The following PRKCH variants were observed in gnomAD, a reference collection of about 807,000 sequenced individuals.
PRKCH encodes protein kinase C eta, also known as protein kinase C eta type.
A neutral mutation model predicts 82.5 loss-of-function variants in PRKCH; 28 were observed. That is an observed-to-expected ratio of 0.34 (90% CI 0.25 to 0.47). The LOEUF is 0.47. Ranked by LOEUF, PRKCH falls within the 20% of genes least tolerant of loss-of-function variation. PRKCH has a pLI of 1.00. For missense variants in PRKCH, 705 were observed against 881.8 expected (o/e 0.80, Z 2.54); for synonymous variants, 322 against 327.4 (o/e 0.98, Z 0.18).
intron 1 of PRKCH, among the ~76,000 whole-genome samples, chr14:61,246,109 T>G (rs527711015): frequency 3.9e-5 from 6 of 152,150 alleles, no homozygotes; most frequent in African/African-American, 1.4e-4. Context: ...CATTTTGCAA[T>G]AAAAGAATTT....
At chr14:61,440,523 G>A (rs1883907517) in intron 2 of PRKCH, among the ~76,000 whole-genome samples, 1 of 152,192 alleles carries the variant, frequency 6.6e-6, no homozygotes, top group South Asian at 2.1e-4. Flanking sequence ...CACTCTTTGA[G>A]ATCTATTGTG....
chr14:61,280,105 T>A lies in PRKCH; in HGVS notation c.-19+92437T>A, dbSNP rs117362093. 6.5e-4 allele frequency: 1,049 copies of A among 1,610,890 alleles called. 12 individuals carry two copies. In the East Asian group the frequency reaches 0.02, roughly 31 times the overall value. On this transcript the variant is annotated intron_variant, in intron 1 of 3. Coordinates refer to the PRKCH transcript ENST00000555185. This position sits in a 1 kb window ranked among gnomAD's most constrained non-coding sequence, Gnocchi z 5.0. Reference sequence around the variant, plus strand: ...GGAAAGCCGGAATCACTCCTCGTCGTCGTCGTCCTGGTCCTGGTAGCGAAT... The same window carrying A: ...GGAAAGCCGGAATCACTCCTCGTCGACGTCGTCCTGGTCCTGGTAGCGAAT...
chr14:61,405,277 A>G (rs190984882), intron 2 of PRKCH, among the ~76,000 whole-genome samples: 2 of 152,332 alleles, frequency 1.3e-5, no homozygotes, highest in African/African-American at 4.8e-5. Flanking sequence ...AATTAGCTGT[A>G]ATTCAGTTCT....
At chr14:61,429,006 T>C (rs1222678047) in intron 2 of PRKCH, among the ~76,000 whole-genome samples, 1 of 152,194 alleles carries the variant, frequency 6.6e-6, no homozygotes, top group African/African-American at 2.4e-5. Context: ...TTATCCTGTG[T>C]TCCACAGTCA....
chr14:61,479,465 A>T (rs1257878128), intron 9 of PRKCH, among the ~76,000 whole-genome samples: 2 of 151,976 alleles, frequency 1.3e-5, no homozygotes, highest in African/African-American at 4.8e-5. Context: ...GCCTCCAAAG[A>T]TGTTTGCCCC....
At chr14:61,485,678 G>C in intron 10 of PRKCH, 22 bp downstream of exon 10, 1 of 1,604,322 alleles carries the variant, frequency 6.2e-7, no homozygotes, top group Non-Finnish European at 8.5e-7. Context: ...TTGCTGCCCT[G>C]TCTTCTAATT....
intron 1 of PRKCH, among the ~76,000 whole-genome samples, chr14:61,194,135 G>T (rs2140034198): frequency 6.6e-6 from 1 of 151,936 alleles, no homozygotes; most frequent in Admixed American, 6.6e-5. Context: ...TTTGCTTGTT[G>T]TTATATATTC....
chr14:61,343,351 C>CAAA (rs57154047), intron 1 of PRKCH, among the ~76,000 whole-genome samples: 43 of 87,302 alleles, frequency 4.9e-4, no homozygotes, highest in Middle Eastern at 0.015. Context: ...CCAGTTCCCT[C>CAAA]AAAAAAAAAA....
intron 1 of PRKCH, among the ~76,000 whole-genome samples, chr14:61,204,088 G>A (rs1172352094): frequency 6.6e-6 from 1 of 151,218 alleles, no homozygotes; most frequent in Non-Finnish European, 1.5e-5. Context: ...AAATACATTA[G>A]TTAATCTCAC....
chr14:61,382,484 AT>A (rs1034923075), intron 1 of PRKCH, among the ~76,000 whole-genome samples: 1 of 151,652 alleles, frequency 6.6e-6, no homozygotes, highest in African/African-American at 2.4e-5. Context: ...ATACAATCTC[AT>A]TTTTCCTGTT....
At chr14:61,334,321 G>A (rs2045826205) in intron 1 of PRKCH, among the ~76,000 whole-genome samples, 1 of 152,118 alleles carries the variant, frequency 6.6e-6, no homozygotes, top group South Asian at 2.1e-4. Context: ...TAACAAGCAG[G>A]CAAACGCACG....
chr14:61,358,923 C>A (rs1226366885), intron 1 of PRKCH, among the ~76,000 whole-genome samples: 4 of 152,158 alleles, frequency 2.6e-5, no homozygotes, highest in African/African-American at 9.7e-5. Context: ...TCAGCTATCA[C>A]CTCCTCCAGG....
chr14:61,225,929 G>A (rs960890204), intron 1 of PRKCH, among the ~76,000 whole-genome samples: 12 of 152,088 alleles, frequency 7.9e-5, no homozygotes, highest in African/African-American at 2.2e-4. Context: ...TTGTAAAGCC[G>A]GGGTTTTGTC....
intron 1 of PRKCH, among the ~76,000 whole-genome samples, chr14:61,269,391 G>C (rs1368538252): frequency 1.3e-5 from 2 of 151,990 alleles, no homozygotes; most frequent in East Asian, 3.8e-4. Context: ...AAGTTCAGGG[G>C]TACACGTGCA....
chr14:61,306,015 T>C (rs1245500704), intron 1 of PRKCH: 3 of 152,236 alleles, frequency 2.0e-5, no homozygotes, highest in African/African-American at 7.2e-5. Flanking sequence ...AAAAATCCTC[T>C]TGATCTTGCT....
At chr14:61,501,068 C>T (rs1167283227) in intron 10 of PRKCH, among the ~76,000 whole-genome samples, 3 of 152,080 alleles carry the variant, frequency 2.0e-5, no homozygotes, top group Non-Finnish European at 2.9e-5. Flanking sequence ...GATATTGTAC[C>T]AACTCTTTAA....
intron 7 of PRKCH, among the ~76,000 whole-genome samples, chr14:61,455,138 TC>T (rs1312439291): frequency 1.3e-5 from 2 of 151,698 alleles, no homozygotes; most frequent in Admixed American, 6.6e-5. Context: ...CACGCCATTC[TC>T]CTGCCTCAGC....
chr14:61,340,553 G>A (rs984563592), intron 1 of PRKCH, among the ~76,000 whole-genome samples: 12 of 152,120 alleles, frequency 7.9e-5, no homozygotes, highest in Non-Finnish European at 1.5e-4. Flanking sequence ...TGGAACTGGG[G>A]CAGGCTTAGG....
intron 1 of PRKCH, chr14:61,278,829 T>C (rs2099514997): frequency 1.3e-5 from 2 of 152,222 alleles, no homozygotes; most frequent in South Asian, 4.1e-4. Context: ...CAAATAATCT[T>C]AAGAATCTAG....
Sources: allele counts gnomAD v4.1 joint callset (sites outside exome capture counted in the v4.1 genomes callset), GRCh38; gene constraint gnomAD v4.1.1; non-coding constraint Gnocchi (gnomAD v3.1); transcripts MANE v1.5; gene names NCBI Gene and HGNC (gene_info 2026-07-23, HGNC 2026-07-21).